Variants in PDGFRA observed in about 807,000 individuals in gnomAD.
PDGFRA encodes platelet-derived growth factor receptor alpha.
PDGFRA carries 25 observed loss-of-function variants against 121.5 expected under a neutral mutation model. The ratio of observed to expected loss-of-function variants is 0.21; its 90% CI spans 0.15 to 0.29. The LOEUF (loss-of-function observed/expected upper bound fraction) is 0.29. Among genes scored for constraint, PDGFRA ranks in the 10% least tolerant of loss-of-function variants. The pLI, the probability that PDGFRA is intolerant of heterozygous loss-of-function variation, is 1.00. For synonymous variants in PDGFRA, 463 were observed against 494.8 expected, an observed-to-expected ratio of 0.94 and a Z score of 0.85; for missense variants, 1,008 against 1,345.1, an observed-to-expected ratio of 0.75 and a Z score of 3.92.
At chr4:54,247,179 A>C (rs1354919124) in intron 1 of PDGFRA, among the ~76,000 whole-genome samples, 2 of 152,222 alleles carry the variant, frequency 1.3e-5, no homozygotes, top group Admixed American at 1.3e-4. Context: ...AAACTATTCC[A>C]ATCAATAGAA....
In PDGFRA at chr4:54,292,337, C is replaced by T. The variant is rs139259021; in HGVS notation, c.3122+1783C>T. Among the ~76,000 whole-genome samples the T allele has an allele frequency of 8.1e-3, 1,236 of 152,214 alleles. 8 individuals carry two copies. Among genetic ancestry groups the T allele is most frequent in the African/African-American group, 0.028 (1,167 of 41,524 alleles). On this transcript the variant is annotated intron_variant, in intron 22 of 22. Transcript: ENST00000257290. ...TATACACCATGGAATACGATGCAGC[C>T]GTAAAAAGGAATGAGATCATGTCCT... is the stretch of plus-strand genomic sequence containing the variant.
At chr4:54,260,615 CCAGG>C (rs1722647574) in intron 2 of PDGFRA, among the ~76,000 whole-genome samples, 1 of 151,496 alleles carries the variant, frequency 6.6e-6, no homozygotes, top group Admixed American at 6.6e-5. Flanking sequence ...ACTACGTTGC[CCAGG>C]CTGGTCTCGA....
intron 12 of PDGFRA, 62 bp from the exon 13 acceptor site, chr4:54,277,326 G>A (rs1306890985): frequency 4.0e-5 from 44 of 1,105,196 alleles, no homozygotes; most frequent in South Asian, 2.7e-4. Flanking sequence ...AGCTGGCTAC[G>A]GTGCAGAAAG....
intron 19 of PDGFRA, among the ~76,000 whole-genome samples, chr4:54,288,414 A>G (rs1170181614): frequency 6.6e-6 from 1 of 152,056 alleles, no homozygotes; most frequent in Non-Finnish European, 1.5e-5. Flanking sequence ...CACAACTTTG[A>G]TTTTTGCTTT....
chr4:54,285,994 TC>T, intron 18 of PDGFRA, 31 bp downstream of exon 18: 1 of 1,608,752 alleles, frequency 6.2e-7, no homozygotes, highest in Non-Finnish European at 8.5e-7. Flanking sequence ...CTGGTCAGGC[TC>T]ATCCTCCTTC....
At position 54,289,115 on chromosome 4, in the gene PDGFRA, G is replaced by T. The variant is rs1724504713; in HGVS notation, c.2880+1G>T. On this transcript the variant is annotated splice_donor_variant, in intron 21 of 22. Transcript: ENST00000257290. LOFTEE classifies it high-confidence loss of function. ...TCTGCTGCCTGGACAATATAAAAAG[G>T]TGTGTTTGGATCTGTGGGTGGAAAG... The T allele has an allele frequency of 6.5e-7, 1 of 1,540,978 alleles. No homozygotes were observed. Among genetic ancestry groups the T allele is most frequent in the Non-Finnish European group, 9.0e-7 (1 of 1,113,480 alleles).
intron 9 of PDGFRA, 55 bp downstream of exon 9, chr4:54,272,575 C>T (rs1260804263): frequency 9.5e-6 from 15 of 1,581,030 alleles, no homozygotes; most frequent in Non-Finnish European, 1.3e-5. Context: ...TCTCCCTTGA[C>T]ACAAATGATG....
chr4:54,279,102 C>A, intron 15 of PDGFRA: 1 of 292,964 alleles, frequency 3.4e-6, no homozygotes, highest in Non-Finnish European at 7.0e-6. Context: ...CCACACGGCT[C>A]AAGTTCCAAC....
intron 16 of PDGFRA, chr4:54,281,685 T>C (rs1474251706): frequency 1.5e-6 from 2 of 1,362,572 alleles, no homozygotes; most frequent in Non-Finnish European, 1.9e-6. Flanking sequence ...TCCGTGACTA[T>C]CTGAAAAAAA....
At chr4:54,235,587 C>T (rs1720964164) in intron 1 of PDGFRA, among the ~76,000 whole-genome samples, 1 of 152,188 alleles carries the variant, frequency 6.6e-6, no homozygotes, top group Non-Finnish European at 1.5e-5. Flanking sequence ...TTTGAATGGT[C>T]TTTATAGCCA....
intron 1 of PDGFRA, among the ~76,000 whole-genome samples, chr4:54,248,209 A>G (rs1721812169): frequency 6.6e-6 from 1 of 152,218 alleles, no homozygotes; most frequent in African/African-American, 2.4e-5. Flanking sequence ...GAATTGGAAA[A>G]AACTACTTTA....
intron 1 of PDGFRA, among the ~76,000 whole-genome samples, chr4:54,249,499 T>C (rs1721916766): frequency 1.3e-5 from 2 of 152,048 alleles, no homozygotes; most frequent in South Asian, 4.1e-4. Flanking sequence ...ATGGATGAAA[T>C]TGGAAATCAT....
At chr4:54,268,249 C>CT (rs1723150165) in intron 7 of PDGFRA, among the ~76,000 whole-genome samples, 1 of 152,182 alleles carries the variant, frequency 6.6e-6, no homozygotes, top group Non-Finnish European at 1.5e-5. Context: ...CAGTGAGTTG[C>CT]TTGGATCCCT....
Position 54,258,788 on chromosome 4 carries a change from C to T in PDGFRA, c.20C>T (p.Ala7Val), listed in dbSNP as rs764472307. MGTSHPAFLVLGCLLTG... is the reference protein window; with the variant it reads MGTSHPVFLVLGCLLTG... The stretch of plus-strand genomic sequence containing the variant: ...AGAGCTATGGGGACTTCCCATCCGG[C>T]GTTCCTGGTCTTAGGCTGTCTTCTC... Residue 7 changes from alanine to valine, a missense_variant, in exon 2 of 23, where the codon GCG (alanine) becomes GTG (valine). Transcript: ENST00000257290. The T allele has an allele frequency of 7.4e-6, 12 of 1,613,476 alleles. No individual in the cohort carries two copies. The highest frequency in any genetic ancestry group is 2.2e-5 in the East Asian group (1 of 44,882).
intron 16 of PDGFRA, among the ~76,000 whole-genome samples, chr4:54,283,638 G>T (rs1478252683): frequency 6.6e-6 from 1 of 152,172 alleles, no homozygotes; most frequent in Non-Finnish European, 1.5e-5. Context: ...CTCCTTTTTA[G>T]TTATGCAAAT....
chr4:54,248,480 TAATA>T lies in PDGFRA; in HGVS notation c.-12-10273_-12-10270del, dbSNP rs1721831812. On this transcript the variant is annotated intron_variant, in intron 1 of 22. Coordinates refer to ENST00000257290, the MANE Select transcript of PDGFRA (RefSeq NM_006206.6). ...AGCAATGGGGAAAGGATTCTTTATT[TAATA>T]AATGGTGCTGGGAAAACTGGCTAGC... Among the ~76,000 whole-genome samples the T allele has an allele frequency of 2.0e-5, 3 of 152,226 alleles. No homozygotes were observed. In the South Asian group the frequency reaches 6.2e-4, roughly 32 times the overall value.
intron 15 of PDGFRA, among the ~76,000 whole-genome samples, chr4:54,279,475 C>T (rs1723946665): frequency 6.6e-6 from 1 of 152,192 alleles, no homozygotes; most frequent in Admixed American, 6.5e-5. Flanking sequence ...TGAAACCTTT[C>T]TTCCTTCACA....
intron 3 of PDGFRA, among the ~76,000 whole-genome samples, 194 bp from the exon 4 acceptor site, chr4:54,263,473 G>T (rs1005449474): frequency 6.6e-6 from 1 of 152,090 alleles, no homozygotes; most frequent in East Asian, 1.9e-4. Flanking sequence ...CAGGCAATTT[G>T]GTATTATTCA....
chr4:54,275,071 TAGTA>T (rs1723648150), intron 12 of PDGFRA, 98 bp downstream of exon 12: 2 of 1,285,926 alleles, frequency 1.6e-6, no homozygotes, highest in Non-Finnish European at 2.2e-6. Context: ...AGCTTGTGCT[TAGTA>T]AGAACTAGGC....
Sources: gnomAD v4.1 joint callset for allele counts (sites outside exome capture counted in the v4.1 genomes callset) on GRCh38, gnomAD v4.1.1 for gene constraint, MANE v1.5 for transcripts, NCBI Gene and HGNC (gene_info 2026-07-23, HGNC 2026-07-21) for gene names.